The following NBDY variants were observed in gnomAD, a reference collection of about 807,000 sequenced individuals.
The protein encoded by NBDY is negative regulator of P-body association, also known as P-body dissociating protein.
intron 2 of NBDY, among the ~76,000 whole-genome samples, chrX:56,797,593 C>T (rs747250942): frequency 2.5e-4 from 28 of 111,373 alleles, no homozygotes; most frequent in Admixed American, 9.6e-5. Context: ...TTATAGCCCA[C>T]CATTCTTTCC....
chrX:56,799,177 A>G (rs1037568592), intron 2 of NBDY, among the ~76,000 whole-genome samples: 3 of 112,141 alleles, frequency 2.7e-5, no homozygotes, highest in Non-Finnish European at 5.6e-5. Context: ...GTAAGAATGG[A>G]CAGGCAGGGG....
At chrX:56,815,991 G>T (rs555122874) in intron 2 of NBDY, among the ~76,000 whole-genome samples, 1 of 110,489 alleles carries the variant, frequency 9.1e-6, no homozygotes, top group Non-Finnish European at 1.9e-5. Flanking sequence ...TAATGCCTTC[G>T]TATTATATTT....
intron 2 of NBDY, among the ~76,000 whole-genome samples, chrX:56,763,099 G>C (rs921743187): frequency 8.9e-6 from 1 of 112,789 alleles, no homozygotes; most frequent in Non-Finnish European, 1.9e-5. Flanking sequence ...TGATTGATGG[G>C]CAACTCTCGC....
intron 2 of NBDY, among the ~76,000 whole-genome samples, chrX:56,798,872 T>C (rs1000056284): frequency 7.3e-4 from 82 of 112,093 alleles, no homozygotes; most frequent in Admixed American, 4.7e-4. Context: ...CTCTCCCTCC[T>C]GTCTTTTTCT....
chrX:56,795,087 G>T (rs754589790), intron 2 of NBDY, among the ~76,000 whole-genome samples: 1 of 112,357 alleles, frequency 8.9e-6, no homozygotes, highest in East Asian at 2.8e-4. Flanking sequence ...GGAACGTGGT[G>T]GTTCACCAGT....
intron 2 of NBDY, among the ~76,000 whole-genome samples, chrX:56,813,061 G>A (rs1219706186): frequency 1.2e-4 from 13 of 110,816 alleles, no homozygotes. Flanking sequence ...GAGGGGGAGG[G>A]ATAGCATTAG....
At chrX:56,745,474 A>T (rs1305177568) in intron 2 of NBDY, among the ~76,000 whole-genome samples, 1 of 110,755 alleles carries the variant, frequency 9.0e-6, no homozygotes, top group South Asian at 3.8e-4. Context: ...TAACTTGCAG[A>T]TATCATGACA....
intron 2 of NBDY, among the ~76,000 whole-genome samples, chrX:56,763,329 C>G (rs1429021338): frequency 8.9e-6 from 1 of 112,121 alleles, no homozygotes; most frequent in Non-Finnish European, 1.9e-5. Flanking sequence ...CTCCCACCCC[C>G]ATCTGTGTGA....
Position 56,810,378 on chromosome X carries a change from C to T in NBDY, c.*167-6942C>T, listed in dbSNP as rs754844869. On this transcript the variant is annotated intron_variant, in intron 2 of 2. Coordinates refer to ENST00000374922, the MANE Select transcript of NBDY (RefSeq NM_001348129.2). ...GGTTCCATTCTCCCTGTCACTTTCA[C>T]GTACACCAATCAAATGTAGTTTTGG... 4.5e-5 allele frequency among the ~76,000 whole-genome samples: 5 copies of T among 111,201 alleles called. No individual in the cohort carries two copies. In the South Asian group the frequency reaches 1.2e-3, roughly 26 times the overall value.
intron 2 of NBDY, among the ~76,000 whole-genome samples, chrX:56,809,402 A>C (rs1052610063): frequency 8.9e-6 from 1 of 111,817 alleles, no homozygotes; most frequent in African/African-American, 3.3e-5. Context: ...GTCTCTTTGT[A>C]GGTCTCTAAG....
chrX:56,797,675 C>T (rs1472965715), intron 2 of NBDY, among the ~76,000 whole-genome samples: 2 of 110,909 alleles, frequency 1.8e-5, no homozygotes, highest in Non-Finnish European at 3.8e-5. Flanking sequence ...TTACATTGTT[C>T]CCCTATTGCC....
chrX:56,750,567 A>T (rs2069579720), intron 2 of NBDY, among the ~76,000 whole-genome samples: 1 of 111,289 alleles, frequency 9.0e-6, no homozygotes, highest in East Asian at 2.8e-4. Flanking sequence ...TTTCTGTGTG[A>T]TTGCCTTATC....
intron 2 of NBDY, among the ~76,000 whole-genome samples, chrX:56,746,899 A>C (rs2069560764): frequency 8.9e-6 from 1 of 112,068 alleles, no homozygotes; most frequent in South Asian, 3.8e-4. Context: ...TATGCTTTTA[A>C]AGATATATGC....
chrX:56,786,992 G>A (rs1471163675), intron 2 of NBDY, among the ~76,000 whole-genome samples: 1 of 111,099 alleles, frequency 9.0e-6, no homozygotes, highest in Non-Finnish European at 1.9e-5. Context: ...ATTATTTCCC[G>A]TTCTCCTTCT....
At chrX:56,731,369 G>A (rs2069457222) in intron 1 of NBDY, among the ~76,000 whole-genome samples, 1 of 100,926 alleles carries the variant, frequency 9.9e-6, no homozygotes, top group Non-Finnish European at 2.0e-5. Context: ...GACCAGCCTG[G>A]CCAATATGGC....
At chrX:56,791,102 C>G (rs1044535652) in intron 2 of NBDY, among the ~76,000 whole-genome samples, 63 of 112,537 alleles carry the variant, frequency 5.6e-4, no homozygotes, top group African/African-American at 2.0e-3. Context: ...TTGCTCTCAA[C>G]CTCATTGCTC....
intron 2 of NBDY, among the ~76,000 whole-genome samples, chrX:56,802,876 A>G (rs1158363007): frequency 8.9e-6 from 1 of 112,395 alleles, no homozygotes; most frequent in African/African-American, 3.2e-5. Flanking sequence ...AGGGTCCCTT[A>G]AGTTTGGTGG....
chrX:56,743,636 C>T (rs1602650791), intron 2 of NBDY, among the ~76,000 whole-genome samples: 1 of 110,599 alleles, frequency 9.0e-6, no homozygotes, highest in Non-Finnish European at 1.9e-5. Flanking sequence ...TGTCCTTTTT[C>T]ATCTCTGGTT....
At chrX:56,790,129 G>C (rs2069753317) in intron 2 of NBDY, among the ~76,000 whole-genome samples, 1 of 112,365 alleles carries the variant, frequency 8.9e-6, no homozygotes, top group Admixed American at 9.4e-5. Flanking sequence ...AGCCTCACTT[G>C]GGCCATCATA....
Sources: gnomAD v4.1 joint callset for allele counts (sites outside exome capture counted in the v4.1 genomes callset) on GRCh38, gnomAD v4.1.1 for gene constraint, MANE v1.5 for transcripts, NCBI Gene and HGNC (gene_info 2026-07-23, HGNC 2026-07-21) for gene names.